GMPS: variants seen among roughly 807,000 people sequenced by gnomAD.
GMPS encodes GMP synthase [glutamine-hydrolyzing].
A neutral mutation model predicts 77.9 loss-of-function variants in GMPS; 15 were observed. That is an observed-to-expected ratio of 0.19 (90% confidence interval 0.13 to 0.30). GMPS has a LOEUF of 0.30. Ranked by LOEUF, GMPS falls within the 10% of genes least tolerant of loss-of-function variation. The probability of loss-of-function intolerance (pLI) is 1.00; values close to 1 mark genes in which losing one functional copy is unlikely to be tolerated. For missense variants in GMPS, 590 were observed against 838.8 expected, an observed-to-expected ratio of 0.70 and a Z score of 3.66; for synonymous variants, 224 against 275.9, an observed-to-expected ratio of 0.81 and a Z score of 1.86.
chr3:155,873,738 A>G (rs1254341567), intron 1 of GMPS, among the ~76,000 whole-genome samples: 2 of 145,082 alleles, frequency 1.4e-5, no homozygotes, highest in Admixed American at 7.4e-5. Flanking sequence ...AGGTTCACGC[A>G]GTTCTCCTGC....
chr3:155,937,392 T>C (rs1437828433), intron 15 of GMPS, among the ~76,000 whole-genome samples, 199 bp from the exon 16 acceptor site: 1 of 152,222 alleles, frequency 6.6e-6, no homozygotes, highest in Non-Finnish European at 1.5e-5. Context: ...GTCACTAATA[T>C]TTTAAACCTT....
rs565385943 is a variant in GMPS, at chr3:155,897,250, A to T, written c.210-677A>T. On this transcript the variant is annotated intron_variant, in intron 2 of 15. Coordinates refer to ENST00000496455, the MANE Select transcript of GMPS (RefSeq NM_003875.3). ...TGGCCAGGAGAGGAACATAGGCCTC[A>T]GTTTGCAGTTTTCCCTTATTATAGT... Among the ~76,000 whole-genome samples, 359 of 152,266 alleles carry T rather than the reference A, an allele frequency of 2.4e-3. 1 individual carries two copies. The highest frequency in any genetic ancestry group is 8.4e-3 in the African/African-American group (351 of 41,550).
intron 1 of GMPS, among the ~76,000 whole-genome samples, chr3:155,888,085 A>T (rs7633729): frequency 1.3e-3 from 194 of 151,954 alleles, no homozygotes; most frequent in South Asian, 1.9e-3. Flanking sequence ...ATTATTAAAA[A>T]TTTTTTTTAA....
rs145775081 is a variant in GMPS at position 155,875,216 on chromosome 3, C to A, written c.27+4319C>A. Among the ~76,000 whole-genome samples, 242 of 150,934 alleles carry A rather than the reference C, an allele frequency of 1.6e-3. 3 individuals carry two copies. The East Asian group carries it at 0.021, about 13-fold the overall frequency. ...TACAAGTGTGAACCACTGTGCCTGGCCTTAAATCCTGTGTTTTGTTTTGTT... is the reference window on the plus strand; with the variant it reads ...TACAAGTGTGAACCACTGTGCCTGGACTTAAATCCTGTGTTTTGTTTTGTT... On this transcript the variant is annotated intron_variant, in intron 1 of 15. Transcript: ENST00000496455.
upstream of GMPS, among the ~76,000 whole-genome samples, chr3:155,870,375 C>T (rs1045878381): frequency 2.3e-5 from 1 of 43,082 alleles, no homozygotes; most frequent in Non-Finnish European, 3.9e-5. Context: ...GCGCCACAGG[C>T]CCCTCCTCCG....
chr3:155,876,622 G>A (rs958685435), intron 1 of GMPS, among the ~76,000 whole-genome samples: 3 of 152,178 alleles, frequency 2.0e-5, no homozygotes, highest in African/African-American at 7.2e-5. Context: ...ACTAACAGAT[G>A]TACATCAGGA....
chr3:155,875,291 C>T (rs1417874284), intron 1 of GMPS, among the ~76,000 whole-genome samples: 2 of 152,182 alleles, frequency 1.3e-5, no homozygotes, highest in Non-Finnish European at 2.9e-5. Context: ...AGTGCAGTGG[C>T]ATGATCTCCC....
At position 155,938,944 on chromosome 3, in the gene GMPS, C is replaced by T. The variant is rs1192243640; in HGVS notation, c.*1252C>T. ...TACCATATTTTTCTCTTAACAATTC[C>T]ATCTCAGGTTGCTGCTGCTTGTCTA... On this transcript the variant is annotated 3_prime_UTR_variant, in exon 16 of 16. Coordinates refer to ENST00000496455, the MANE Select transcript of GMPS (RefSeq NM_003875.3). 4.6e-6 allele frequency: 1 copy of T among 217,236 alleles called. No homozygotes were observed. The highest frequency in any genetic ancestry group is 2.3e-5 in the African/African-American group (1 of 44,412). 13.5% of individuals were successfully genotyped at this position (217,236 alleles called of 1,614,324 possible). A position where few individuals can be genotyped will look rare whatever the true frequency, so the allele number is the denominator to read the frequency against.
chr3:155,911,109 C>T lies in GMPS; in HGVS notation c.721-5C>T, dbSNP rs771144673. 3.6e-5 allele frequency: 57 copies of T among 1,584,740 alleles called. No individual in the cohort carries two copies. The Middle Eastern group carries it at 5.0e-4, about 14-fold the overall frequency. ...CTCATTTTGATTTTTCATTTTACCCCGTAGGTTTTACTCAGTGGTGGAGTA... is the reference window on the plus strand; with the variant it reads ...CTCATTTTGATTTTTCATTTTACCCTGTAGGTTTTACTCAGTGGTGGAGTA... On this transcript the variant is annotated splice_polypyrimidine_tract_variant and splice_region_variant and intron_variant, in intron 6 of 15. Transcript: ENST00000496455.
intron 1 of GMPS, among the ~76,000 whole-genome samples, chr3:155,881,179 T>C (rs914168962): frequency 2.1e-5 from 3 of 146,026 alleles, no homozygotes; most frequent in Non-Finnish European, 3.0e-5. Context: ...TTTTTTTTTT[T>C]TTTTTTTTTT....
At position 155,906,228 on chromosome 3, in the gene GMPS, T is replaced by C; in HGVS notation, c.491T>C (p.Phe164Ser). The change falls in exon 5 of 16, where the codon TTC becomes TCC. Residue 164 changes from phenylalanine to serine, a missense_variant. Physicochemically the swap from Phe to Ser is radical, Grantham distance 155. Transcript: ENST00000496455. ...GDSVDKVADG[F>S]KVVARSGNIV... is the part of the protein sequence containing the mutation. ...AGTGTAGACAAAGTAGCTGATGGATTCAAGGTTGTGGCACGTTCTGGAAAC... is the reference window on the plus strand; with the variant it reads ...AGTGTAGACAAAGTAGCTGATGGATCCAAGGTTGTGGCACGTTCTGGAAAC... 1 of 1,611,892 alleles carries C rather than the reference T, an allele frequency of 6.2e-7. No homozygotes were observed. The highest frequency in any genetic ancestry group is 8.5e-7 in the Non-Finnish European group (1 of 1,178,758).
chr3:155,923,519 G>C (rs1239892821), intron 11 of GMPS, among the ~76,000 whole-genome samples: 1 of 152,110 alleles, frequency 6.6e-6, no homozygotes, highest in Non-Finnish European at 1.5e-5. Context: ...GACTGCCAAA[G>C]ACAGAGCAGC....
chr3:155,875,497 T>G (rs1165313671), intron 1 of GMPS, among the ~76,000 whole-genome samples: 1 of 152,234 alleles, frequency 6.6e-6, no homozygotes, highest in Non-Finnish European at 1.5e-5. Context: ...CCCAAAGTGC[T>G]AAGATGATAG....
chr3:155,905,378 G>A (rs1413372607), intron 4 of GMPS, among the ~76,000 whole-genome samples: 1 of 152,064 alleles, frequency 6.6e-6, no homozygotes, highest in African/African-American at 2.4e-5. Flanking sequence ...TGGTTGATTT[G>A]TTTGAATCAG....
At chr3:155,915,036 G>A (rs986196777) in intron 8 of GMPS, among the ~76,000 whole-genome samples, 2 of 152,058 alleles carry the variant, frequency 1.3e-5, no homozygotes, top group African/African-American at 4.8e-5. Context: ...CCGAACTTCT[G>A]GGATTACAGG....
At chr3:155,928,181 C>G (rs1755504961) in intron 12 of GMPS, among the ~76,000 whole-genome samples, 1 of 151,946 alleles carries the variant, frequency 6.6e-6, no homozygotes, top group African/African-American at 2.4e-5. Flanking sequence ...CACACGCCGC[C>G]ATACCTGGAT....
At position 155,939,813 on chromosome 3, in the gene GMPS, T is replaced by C. The variant is rs1317433123; in HGVS notation, c.*2121T>C. ...ACTGTCTTCTTTTGCACAGCACTTT[T>C]TGCTTTGTGCCATATAGCATTACTC... On this transcript the variant is annotated 3_prime_UTR_variant, in exon 16 of 16. Coordinates refer to ENST00000496455, the MANE Select transcript of GMPS (RefSeq NM_003875.3). 2 of 199,724 alleles carry C rather than the reference T, an allele frequency of 1.0e-5. No individual in the cohort carries two copies. The highest frequency in any genetic ancestry group is 2.1e-5 in the Non-Finnish European group (2 of 96,694). 12.4% of individuals were successfully genotyped at this position (199,724 alleles called of 1,614,324 possible).
chr3:155,902,388 TTGCATGACC>T (rs911800626), intron 3 of GMPS, among the ~76,000 whole-genome samples: 35 of 152,330 alleles, frequency 2.3e-4, no homozygotes, highest in African/African-American at 8.4e-4. Context: ...CCACCTGTTT[TTGCATGACC>T]TGCAAGCAAA....
Position 155,937,845 on chromosome 3 carries a change from T to A in GMPS, c.*153T>A, listed in dbSNP as rs1275226162. ...AAAAATCTACGGCTTAAGAGCTGAG[T>A]TGGGGATAACCAAAAGGGACTGAAG... On this transcript the variant is annotated 3_prime_UTR_variant, in exon 16 of 16. Transcript: ENST00000496455. 1 of 582,118 alleles carries A rather than the reference T, an allele frequency of 1.7e-6. No homozygotes were observed. Among genetic ancestry groups the A allele is most frequent in the African/African-American group, 1.9e-5 (1 of 53,514 alleles). 36.1% of individuals were successfully genotyped at this position (582,118 alleles called of 1,614,324 possible). A position where few individuals can be genotyped will look rare whatever the true frequency, so the allele number is the denominator to read the frequency against.
Sources: allele counts gnomAD v4.1 joint callset (sites outside exome capture counted in the v4.1 genomes callset), GRCh38; gene constraint gnomAD v4.1.1; transcripts MANE v1.5; gene names NCBI Gene and HGNC (gene_info 2026-07-23, HGNC 2026-07-21).